Variants in PEX3 observed in about 807,000 individuals in gnomAD.
PEX3 encodes the protein peroxisomal biogenesis factor 3.
Under a neutral mutation model 55.8 loss-of-function variants are expected in PEX3, and 30 were observed. The observed-to-expected ratio is 0.54, with a 90% CI of 0.40 to 0.73. The LOEUF (loss-of-function observed/expected upper bound fraction) is 0.73. Among genes scored for constraint, PEX3 ranks in the 30% least tolerant of loss-of-function variants. PEX3 has a pLI of 0.00. For missense variants in PEX3, 351 were observed against 432.8 expected, an observed-to-expected ratio of 0.81 and a Z score of 1.68; for synonymous variants, 135 against 148.4, an observed-to-expected ratio of 0.91 and a Z score of 0.66.
chr6:143,465,904 G>A lies in PEX3; in HGVS notation c.288-2218G>A, dbSNP rs187070932. The stretch of plus-strand genomic sequence containing the variant: ...ATTTCTTGTTGGAATGCAAATTTAT[G>A]TCTGAAAGTAATAATAAAGAATATG... On this transcript the variant is annotated intron_variant, in intron 3 of 11. Transcript: ENST00000367591. This position sits in a 1 kb window ranked among gnomAD's most constrained non-coding sequence, Gnocchi z 4.7. Among the ~76,000 whole-genome samples the A allele has an allele frequency of 6.6e-6, 1 of 152,152 alleles. No homozygotes were observed. The highest frequency in any genetic ancestry group is 1.9e-4 in the East Asian group (1 of 5,190).
chr6:143,468,549 G>A (rs9321914), intron 4 of PEX3, among the ~76,000 whole-genome samples: 47,983 of 151,910 alleles, frequency 0.32, 8,646 homozygotes, highest in African/African-American at 0.5. Flanking sequence ...TAGGGCCTAC[G>A]TATCTGCTTG....
At position 143,471,117 on chromosome 6, in the gene PEX3, C is replaced by T. The variant is rs1472548015; in HGVS notation, c.456+32C>T. 9 of 1,602,924 alleles carry T rather than the reference C, an allele frequency of 5.6e-6. No individual in the cohort carries two copies. Among genetic ancestry groups the T allele is most frequent in the East Asian group, 4.5e-5 (2 of 44,720 alleles). ...TTAATAGACTTAAATAGACATTGTT[C>T]TTTCCCTCAGGAGGTTCAAAGTTTA... On this transcript the variant is annotated intron_variant, in intron 5 of 11. Transcript: ENST00000367591. The surrounding 1 kb of genome is among the most constrained non-coding windows in gnomAD (Gnocchi z 5.4).
intron 10 of PEX3, among the ~76,000 whole-genome samples, chr6:143,480,702 T>C (rs1269239023): frequency 6.6e-6 from 1 of 152,182 alleles, no homozygotes; most frequent in Non-Finnish European, 1.5e-5. Context: ...TAATGTGTTG[T>C]GAAAGTCTAG....
chr6:143,459,194 C>A lies in PEX3; in HGVS notation c.183C>A (p.Asn61Lys), dbSNP rs762601927. Residue 61 changes from asparagine to lysine, a missense_variant, in exon 2 of 12, where the codon AAC becomes AAA. Coordinates refer to ENST00000367591, the MANE Select transcript of PEX3 (RefSeq NM_003630.3). The surrounding 1 kb of genome is among the most constrained non-coding windows in gnomAD (Gnocchi z 4.2). ...QARRQYHFES[N>K]QRTCNMTVLS... The stretch of plus-strand genomic sequence containing the variant: ...GACGACAATATCATTTTGAAAGTAA[C>A]CAGAGGACTTGCAATATGACAGGTA... 1.2e-6 allele frequency: 2 copies of A among 1,612,070 alleles called. No homozygotes were observed. Among genetic ancestry groups the A allele is most frequent in the African/African-American group, 1.3e-5 (1 of 74,746 alleles).
At chr6:143,480,784 G>A (rs1451200097) in intron 10 of PEX3, among the ~76,000 whole-genome samples, 1 of 152,162 alleles carries the variant, frequency 6.6e-6, no homozygotes, top group African/African-American at 2.4e-5. Context: ...GCTGAGGTGG[G>A]TGGATTGCAC....
At chr6:143,480,195 A>T (rs887181155) in intron 10 of PEX3, among the ~76,000 whole-genome samples, 1 of 152,182 alleles carries the variant, frequency 6.6e-6, no homozygotes, top group East Asian at 1.9e-4. Context: ...CTTTAAAAAA[A>T]TTTTAAGTTA....
chr6:143,473,342 C>T (rs185025092), intron 8 of PEX3, among the ~76,000 whole-genome samples: 4 of 152,248 alleles, frequency 2.6e-5, no homozygotes, highest in African/African-American at 7.2e-5. Flanking sequence ...ATTAATGAAA[C>T]AGGAGACAAC....
chr6:143,471,380 CA>C lies in PEX3; in HGVS notation c.457-2del. ...AATTGAACTGTATTTCTGTTTTATA[CA>C]GACAATTCTTGCTCCCCCAGATGTC... is the stretch of plus-strand genomic sequence containing the variant. On this transcript the variant is annotated splice_acceptor_variant, in intron 5 of 11. Transcript: ENST00000367591. LOFTEE classifies it high-confidence loss of function. This position sits in a 1 kb window ranked among gnomAD's most constrained non-coding sequence, Gnocchi z 5.4. 6.3e-7 allele frequency: 1 copy of C among 1,592,866 alleles called. No individual in the cohort carries two copies. The highest frequency in any genetic ancestry group is 8.6e-7 in the Non-Finnish European group (1 of 1,161,156).
At chr6:143,474,884 A>T (rs1463314559) in intron 9 of PEX3, 28 bp downstream of exon 9, 1 of 1,144,500 alleles carries the variant, frequency 8.7e-7, no homozygotes, top group Non-Finnish European at 1.3e-6. Context: ...AGCAGGAAAA[A>T]TATGTGTGTA....
rs1412926806 is a variant in PEX3 at position 143,487,496 on chromosome 6, A to G, written c.1039-1647A>G. On this transcript the variant is annotated intron_variant, in intron 11 of 11. Transcript: ENST00000367591. This position sits in a 1 kb window ranked among gnomAD's most constrained non-coding sequence, Gnocchi z 5.3. ...GTCCTCCAGTGTTTAAATCATTTTTAGTGTATAAATTAAAAACTCAATAAG... is the reference window on the plus strand; with the variant it reads ...GTCCTCCAGTGTTTAAATCATTTTTGGTGTATAAATTAAAAACTCAATAAG... Among the ~76,000 whole-genome samples the G allele has an allele frequency of 6.6e-6, 1 of 152,148 alleles. No homozygotes were observed. The highest frequency in any genetic ancestry group is 1.5e-5 in the Non-Finnish European group (1 of 68,006).
intron 10 of PEX3, 169 bp from the exon 11 acceptor site, chr6:143,484,983 A>T: frequency 1.7e-6 from 1 of 595,756 alleles, no homozygotes; most frequent in Non-Finnish European, 3.0e-6. Flanking sequence ...ATTGGTCATG[A>T]TGTCAATTAG....
intron 1 of PEX3, among the ~76,000 whole-genome samples, chr6:143,456,572 A>C (rs1259677753): frequency 6.6e-6 from 1 of 152,202 alleles, no homozygotes; most frequent in Non-Finnish European, 1.5e-5. Flanking sequence ...GTGTAAGGGA[A>C]AGATCTATTC....
intron 10 of PEX3, among the ~76,000 whole-genome samples, chr6:143,480,677 A>G (rs1322221481): frequency 1.3e-5 from 2 of 152,086 alleles, no homozygotes; most frequent in Non-Finnish European, 2.9e-5. Context: ...CATCAAGCCT[A>G]TTGTCATCAT....
At chr6:143,469,596 A>C (rs556316975) in intron 4 of PEX3, among the ~76,000 whole-genome samples, 1 of 152,156 alleles carries the variant, frequency 6.6e-6, no homozygotes, top group African/African-American at 2.4e-5. Context: ...AGATGGGTAG[A>C]TTGTAAAAAT....
chr6:143,470,020 G>C (rs1336594992), intron 4 of PEX3, among the ~76,000 whole-genome samples: 1 of 152,054 alleles, frequency 6.6e-6, no homozygotes, highest in Non-Finnish European at 1.5e-5. Flanking sequence ...TGCAATCTTG[G>C]CTCACTGCAA....
chr6:143,485,651 A>G lies in PEX3; in HGVS notation c.1038+403A>G, dbSNP rs1012840133. Among the ~76,000 whole-genome samples, 1 of 152,104 alleles carries G rather than the reference A, an allele frequency of 6.6e-6. No homozygotes were observed. The highest frequency in any genetic ancestry group is 2.4e-5 in the African/African-American group (1 of 41,438). ...GAGAAGTAAAGCATTTTAGTGATTA[A>G]TAAAATGTAACAGTTAATAGTGCAT... On this transcript the variant is annotated intron_variant, in intron 11 of 11. Transcript: ENST00000367591. This position sits in a 1 kb window ranked among gnomAD's most constrained non-coding sequence, Gnocchi z 5.6.
At position 143,474,798 on chromosome 6, in the gene PEX3, TCTC is replaced by T. The variant is rs1188675374; in HGVS notation, c.764_766del (p.Pro255del). The T allele has an allele frequency of 6.3e-7, 1 of 1,583,638 alleles. No homozygotes were observed. Among genetic ancestry groups the T allele is most frequent in the South Asian group, 1.1e-5 (1 of 90,430 alleles). On this transcript the variant is annotated inframe_deletion, in exon 9 of 12. Transcript: ENST00000367591. The stretch of plus-strand genomic sequence containing the variant: ...TTTAATTCTATAGGCCTGTGGACTT[TCTC>T]CTCGAGACATTACCACTATTAAACT...
At chr6:143,484,208 A>G (rs1186521369) in intron 10 of PEX3, among the ~76,000 whole-genome samples, 2 of 152,170 alleles carry the variant, frequency 1.3e-5, no homozygotes, top group African/African-American at 4.8e-5. Flanking sequence ...TCACATACAT[A>G]CAGTGATACA....
intron 9 of PEX3, among the ~76,000 whole-genome samples, chr6:143,478,322 C>A (rs538226085): frequency 2.0e-5 from 3 of 152,024 alleles, no homozygotes; most frequent in African/African-American, 7.2e-5. Flanking sequence ...TGGATTGTAG[C>A]GATAGTTGCA....
Sources: gnomAD v4.1 joint callset for allele counts (sites outside exome capture counted in the v4.1 genomes callset) on GRCh38, gnomAD v4.1.1 for gene constraint, Gnocchi (gnomAD v3.1) non-coding constraint, MANE v1.5 for transcripts, NCBI Gene and HGNC (gene_info 2026-07-23, HGNC 2026-07-21) for gene names.